Variants in DSC1 observed in about 807,000 individuals in gnomAD.
The protein encoded by DSC1 is desmocollin-1.
In DSC1, 79 loss-of-function variants were observed where a neutral mutation model predicts 98.8. That is an observed-to-expected ratio of 0.80 (90% confidence interval 0.67 to 0.96). The LOEUF (loss-of-function observed/expected upper bound fraction) is 0.96. Ranked by LOEUF, DSC1 falls within the 50% of genes least tolerant of loss-of-function variation. The pLI, the probability that DSC1 is intolerant of heterozygous loss-of-function variation, is 0.00. For synonymous variants in DSC1, 405 were observed against 372.1 expected (o/e 1.09, Z -1.02); for missense variants, 1,115 against 1,075.9 (o/e 1.04, Z -0.51).
intron 5 of DSC1, among the ~76,000 whole-genome samples, chr18:31,150,447 TACC>T (rs1268906088): frequency 8.8e-5 from 1 of 11,398 alleles, no homozygotes; most frequent in Non-Finnish European, 1.8e-4. Context: ...TCACCACCAC[TACC>T]ACCACCACCA....
rs1415329285 is a variant in DSC1 at position 31,133,918 on chromosome 18, T to C, written c.2089A>G (p.Met697Val). 1.2e-6 allele frequency: 2 copies of C among 1,613,122 alleles called. No homozygotes were observed. The highest frequency in any genetic ancestry group is 1.7e-6 in the Non-Finnish European group (2 of 1,179,488). ...VILGRWAILA[M>V]VLGSVLLLCI... ...AATAACAATACAGAACCCAACACCA[T>C]AGCAAGAATAGCCCATCTTCCAAGT... is the stretch of plus-strand genomic sequence containing the variant. Residue 697 changes from methionine (M) to valine (V), a missense_variant, in exon 13 of 16, where the codon ATG (methionine) becomes GTG (valine). Physicochemically the swap from Met to Val is conservative, Grantham distance 21 (BLOSUM62 1). Transcript: ENST00000257198.
chr18:31,161,856 A>G lies in DSC1; in HGVS notation c.63+676T>C, dbSNP rs1598634485. Among the ~76,000 whole-genome samples the G allele has an allele frequency of 2.0e-5, 3 of 152,310 alleles. No individual in the cohort carries two copies. The South Asian group carries it at 6.2e-4, about 32-fold the overall frequency. On this transcript the variant is annotated intron_variant, in intron 1 of 15. Transcript: ENST00000257198. ...TTTCTAAAAATATATTTTGAAACTC[A>G]AGTATTTTGCTAAAATGAAAAAATA... is the stretch of plus-strand genomic sequence containing the variant.
chr18:31,141,393 A>G (rs1280055079), intron 9 of DSC1, among the ~76,000 whole-genome samples: 1 of 152,216 alleles, frequency 6.6e-6, no homozygotes, highest in Non-Finnish European at 1.5e-5. Flanking sequence ...GAATGAAGCT[A>G]TGCAAGAAGT....
chr18:31,159,409 A>C (rs1466266875), intron 2 of DSC1, 36 bp downstream of exon 2: 1 of 1,597,516 alleles, frequency 6.3e-7, no homozygotes, highest in Non-Finnish European at 8.6e-7. Flanking sequence ...AAATGTGACA[A>C]GTTACAGCTA....
At chr18:31,144,940 C>CTG (rs1988812920) in intron 7 of DSC1, among the ~76,000 whole-genome samples, 2 of 105,092 alleles carry the variant, frequency 1.9e-5, no homozygotes, top group Non-Finnish European at 3.7e-5. Context: ...CTTTTTCTTT[C>CTG]TTTTTTTTTT....
intron 13 of DSC1, 95 bp from the exon 14 acceptor site, chr18:31,132,784 A>T (rs1209036398): frequency 3.4e-6 from 4 of 1,175,458 alleles, no homozygotes; most frequent in Non-Finnish European, 4.7e-6. Context: ...CAAAAAATTC[A>T]TTCCACAAAT....
At chr18:31,133,204 G>C (rs1036789157) in intron 13 of DSC1, among the ~76,000 whole-genome samples, 1 of 152,076 alleles carries the variant, frequency 6.6e-6, no homozygotes, top group African/African-American at 2.4e-5. Context: ...ATGCAAATGG[G>C]TTCTTTGGGG....
intron 1 of DSC1, 113 bp from the exon 2 acceptor site, chr18:31,159,642 T>G: frequency 1.0e-6 from 1 of 1,001,048 alleles, no homozygotes; most frequent in African/African-American, 1.6e-5. Context: ...AAATTAATCA[T>G]TTAATTCTTT....
rs753746926 is a variant in DSC1 at position 31,157,470 on chromosome 18, A to G, written c.252T>C (p.Ile84=). 1 of 1,614,188 alleles carries G rather than the reference A, an allele frequency of 6.2e-7. No individual in the cohort carries two copies. The highest frequency in any genetic ancestry group is 8.5e-7 in the Non-Finnish European group (1 of 1,180,028). ...AAAAACTTTTCCTTTCAGAAGACAA[A>G]ATGAGGTCATGTGTTGTGTAAATTG... is the stretch of plus-strand genomic sequence containing the variant. ...DGSIYTTHDL[I]LSSERKSFSI... Residue 84 remains isoleucine, a synonymous_variant, in exon 3 of 16, where the codon ATT becomes ATC. Transcript: ENST00000257198.
intron 1 of DSC1, among the ~76,000 whole-genome samples, chr18:31,162,040 GTTATTTTTCTTAAACTATTCTTTGC>G (rs1989220023): frequency 1.3e-5 from 2 of 152,212 alleles, no homozygotes; most frequent in East Asian, 3.9e-4. Context: ...TCACATTTTT[GTTATTTTTCTTAAACTATTCTTTGC>G]TTAAACTGCT....
rs114280632 is a variant in DSC1, at chr18:31,147,220, C to T, written c.772+1278G>A. ...AATGTATATGTTTTATTTATCAGATCGATATTTCCATGCCATGATATATTT... is the reference window on the plus strand; with the variant it reads ...AATGTATATGTTTTATTTATCAGATTGATATTTCCATGCCATGATATATTT... On this transcript the variant is annotated intron_variant, in intron 6 of 15. Transcript: ENST00000257198. Among the ~76,000 whole-genome samples, 534 of 151,620 alleles carry T rather than the reference C, an allele frequency of 3.5e-3. 1 individual carries two copies. Among genetic ancestry groups the T allele is most frequent in the African/African-American group, 0.013 (517 of 41,348 alleles).
At position 31,130,314 on chromosome 18, in the gene DSC1, A is replaced by G. The variant is rs2144908559; in HGVS notation, c.*200T>C. The stretch of plus-strand genomic sequence containing the variant: ...CATGCATATAAAAGAGAATTAACAA[A>G]CAAAACCTTGATTTCTAGAGAACAT... On this transcript the variant is annotated 3_prime_UTR_variant, in exon 16 of 16. Coordinates refer to ENST00000257198, the MANE Select transcript of DSC1 (RefSeq NM_024421.2). 1 of 631,468 alleles carries G rather than the reference A, an allele frequency of 1.6e-6. No individual in the cohort carries two copies. Among genetic ancestry groups the G allele is most frequent in the South Asian group, 2.1e-5 (1 of 47,722 alleles). 39.1% of individuals were successfully genotyped at this position (631,468 alleles called of 1,614,324 possible). A position where few individuals can be genotyped will look rare whatever the true frequency, so the allele number is the denominator to read the frequency against.
At position 31,134,602 on chromosome 18, in the gene DSC1, T is replaced by C; in HGVS notation, c.1846A>G (p.Ser616Gly). The change falls in exon 12 of 16, where the codon AGT (serine) becomes GGT (glycine). Residue 616 changes from serine (S) to glycine (G), a missense_variant. Physicochemically the swap from Ser to Gly is moderately conservative, Grantham distance 56. Coordinates refer to ENST00000257198, the MANE Select transcript of DSC1 (RefSeq NM_024421.2). The stretch of plus-strand genomic sequence containing the variant: ...TTTTCTTCTATGTTCCAGTTTTTAC[T>C]GGCAGAATTATCCAGAAAGAATTGA... ...PFQFFLDNSA[S>G]KNWNIEEKDG... The C allele has an allele frequency of 6.2e-7, 1 of 1,611,826 alleles. No individual in the cohort carries two copies. The highest frequency in any genetic ancestry group is 8.5e-7 in the Non-Finnish European group (1 of 1,178,768).
intron 8 of DSC1, among the ~76,000 whole-genome samples, chr18:31,142,631 G>A (rs1988760711): frequency 6.6e-6 from 1 of 152,006 alleles, no homozygotes; most frequent in Non-Finnish European, 1.5e-5. Flanking sequence ...GTTTCCAAAT[G>A]TACTTTTGAT....
intron 15 of DSC1, 131 bp downstream of exon 15, chr18:31,131,463 C>A: frequency 8.3e-7 from 1 of 1,200,622 alleles, no homozygotes; most frequent in Non-Finnish European, 1.2e-6. Context: ...CAGACATCCA[C>A]ATCTATGATA....
chr18:31,142,904 A>G (rs1486206327), intron 8 of DSC1, among the ~76,000 whole-genome samples: 1 of 152,010 alleles, frequency 6.6e-6, no homozygotes, highest in Non-Finnish European at 1.5e-5. Flanking sequence ...CTATTTCCTC[A>G]TATGAAATAT....
chr18:31,155,676 A>G (rs1420265478), intron 4 of DSC1, among the ~76,000 whole-genome samples: 2 of 152,196 alleles, frequency 1.3e-5, no homozygotes, highest in African/African-American at 4.8e-5. Context: ...GCAGAAATAC[A>G]GGTCATTTTT....
In DSC1 at chr18:31,139,858, A is replaced by G; in HGVS notation, c.1553T>C (p.Phe518Ser). ...YQKLGDEDNW[F>S]EINQHTGDLR... ...GTCGCCAGTGTGTTGATTAATTTCAAACCAGTTATCTTCATCCCCTAACTT... is the reference window on the plus strand; with the variant it reads ...GTCGCCAGTGTGTTGATTAATTTCAGACCAGTTATCTTCATCCCCTAACTT... Residue 518 changes from phenylalanine (F) to serine (S), a missense_variant, in exon 11 of 16, where the codon TTT becomes TCT. Phe to Ser is a radical substitution (Grantham distance 155). Coordinates refer to ENST00000257198, the MANE Select transcript of DSC1 (RefSeq NM_024421.2). The G allele has an allele frequency of 6.2e-7, 1 of 1,610,212 alleles. No individual in the cohort carries two copies. The highest frequency in any genetic ancestry group is 8.5e-7 in the Non-Finnish European group (1 of 1,178,990).
At chr18:31,145,876 AACC>A (rs1280799739) in intron 6 of DSC1, 99 bp from the exon 7 acceptor site, 1 of 1,252,090 alleles carries the variant, frequency 8.0e-7, no homozygotes, top group Non-Finnish European at 1.1e-6. Context: ...TTCTCCCCCA[AACC>A]ACAAGTAGAT....
Sources: gnomAD v4.1 joint callset for allele counts (sites outside exome capture counted in the v4.1 genomes callset) on GRCh38, gnomAD v4.1.1 for gene constraint, MANE v1.5 for transcripts, NCBI Gene and HGNC (gene_info 2026-07-23, HGNC 2026-07-21) for gene names.